The following NDRG3 variants were observed in gnomAD, a reference collection of about 807,000 sequenced individuals.
The protein encoded by NDRG3 is NDRG family member 3.
A neutral mutation model predicts 57.2 loss-of-function variants in NDRG3; 23 were observed. The observed-to-expected ratio is 0.40, with a 90% CI of 0.29 to 0.57. NDRG3 has a LOEUF of 0.57. NDRG3 is among the 20% of genes least tolerant of loss of function. NDRG3 has a pLI of 0.42. For missense variants in NDRG3, 384 were observed against 457.3 expected (o/e 0.84, Z 1.46); for synonymous variants, 132 against 162.6 (o/e 0.81, Z 1.43).
chr20:36,726,728 TC>T (rs1157126577), intron 1 of NDRG3, among the ~76,000 whole-genome samples: 2 of 152,048 alleles, frequency 1.3e-5, no homozygotes, highest in Non-Finnish European at 2.9e-5. Flanking sequence ...TGTTTCCTAG[TC>T]ATATGAGTAG....
intron 8 of NDRG3, among the ~76,000 whole-genome samples, chr20:36,676,860 C>A (rs1980766942): frequency 1.3e-5 from 2 of 152,260 alleles, no homozygotes. Flanking sequence ...CGCCATGGAG[C>A]TGGCGGAAGC....
chr20:36,698,263 C>T (rs568116269), intron 3 of NDRG3, among the ~76,000 whole-genome samples: 14 of 151,844 alleles, frequency 9.2e-5, no homozygotes, highest in African/African-American at 2.9e-4. Flanking sequence ...CATCCTGCCC[C>T]GCTGTGGGTT....
chr20:36,739,800 C>T (rs1304248097), intron 1 of NDRG3, among the ~76,000 whole-genome samples: 1 of 151,226 alleles, frequency 6.6e-6, no homozygotes, highest in Admixed American at 6.6e-5. Context: ...GTCCCAGCTA[C>T]TCGGGAGGCT....
intron 3 of NDRG3, among the ~76,000 whole-genome samples, chr20:36,701,965 T>C (rs147544814): frequency 6.6e-6 from 1 of 151,964 alleles, no homozygotes; most frequent in African/African-American, 2.4e-5. Context: ...CTGACTTCAA[T>C]AAATGTGTTG....
At chr20:36,679,211 G>A (rs1015816885) in intron 8 of NDRG3, among the ~76,000 whole-genome samples, 2 of 152,118 alleles carry the variant, frequency 1.3e-5, no homozygotes, top group African/African-American at 2.4e-5. Context: ...CTCCCACCTC[G>A]GCCTCCCAAA....
chr20:36,734,656 A>C (rs1985515946), intron 1 of NDRG3, among the ~76,000 whole-genome samples: 1 of 152,078 alleles, frequency 6.6e-6, no homozygotes, highest in Admixed American at 6.6e-5. Flanking sequence ...CCTTGGCACA[A>C]CTGACATTTT....
At chr20:36,701,954 T>C (rs1983258604) in intron 3 of NDRG3, among the ~76,000 whole-genome samples, 1 of 151,988 alleles carries the variant, frequency 6.6e-6, no homozygotes, top group Admixed American at 6.6e-5. Context: ...TCTTGAGCCC[T>C]CTGACTTCAA....
At chr20:36,682,709 G>GT (rs1981413770) in intron 6 of NDRG3, 131 bp from the exon 7 acceptor site, 69 of 723,690 alleles carry the variant, frequency 9.5e-5, no homozygotes, top group Non-Finnish European at 1.1e-4. Context: ...TTGGGCAAGT[G>GT]TTTTTTTTCT....
rs761027734 is a variant in NDRG3 at position 36,660,333 on chromosome 20, T to C, written c.858+4A>G. On this transcript the variant is annotated splice_donor_region_variant and intron_variant, in intron 13 of 15. Transcript: ENST00000349004. The stretch of plus-strand genomic sequence containing the variant: ...GTTGGAAGTGAGGGAAGAAGGCACA[T>C]TACCTTTAGCAAAGTTGTATTTATA... 6.2e-7 allele frequency: 1 copy of C among 1,602,546 alleles called. No homozygotes were observed.
At chr20:36,681,961 G>A (rs550612611) in intron 7 of NDRG3, among the ~76,000 whole-genome samples, 1 of 152,274 alleles carries the variant, frequency 6.6e-6, no homozygotes, top group African/African-American at 2.4e-5. Flanking sequence ...GCCTCCCAAA[G>A]TGCTAGGATC....
At chr20:36,677,707 G>T (rs1980882198) in intron 8 of NDRG3, among the ~76,000 whole-genome samples, 1 of 152,166 alleles carries the variant, frequency 6.6e-6, no homozygotes, top group Non-Finnish European at 1.5e-5. Context: ...GCAAAGAGCT[G>T]AACACTCGAC....
intron 3 of NDRG3, among the ~76,000 whole-genome samples, chr20:36,692,432 C>T (rs994384475): frequency 5.3e-5 from 8 of 152,068 alleles, no homozygotes; most frequent in South Asian, 2.1e-4. Context: ...CCATGTTGTC[C>T]GGGCTGGTCT....
At chr20:36,689,005 G>C (rs1378332425) in intron 3 of NDRG3, among the ~76,000 whole-genome samples, 1 of 152,038 alleles carries the variant, frequency 6.6e-6, no homozygotes. Context: ...GATCAGCCTG[G>C]CCAACATGAT....
At chr20:36,684,576 G>A (rs78294453) in intron 5 of NDRG3, 101 bp from the exon 6 acceptor site, 35,410 of 1,016,852 alleles carry the variant, frequency 0.035, 804 homozygotes, top group South Asian at 0.075. Context: ...AAGGCTGAGC[G>A]CAGTAGCTCA....
chr20:36,689,367 G>A (rs920578244), intron 3 of NDRG3, among the ~76,000 whole-genome samples: 2 of 152,098 alleles, frequency 1.3e-5, no homozygotes, highest in Non-Finnish European at 2.9e-5. Context: ...AATTGGCTAT[G>A]GAAAGGAAAT....
chr20:36,670,627 G>T (rs1171213801), intron 9 of NDRG3, among the ~76,000 whole-genome samples: 1 of 152,070 alleles, frequency 6.6e-6, no homozygotes, highest in Non-Finnish European at 1.5e-5. Context: ...CACATCTAAA[G>T]TATTATAAAT....
In NDRG3 at chr20:36,680,849, G is replaced by A. The variant is rs764130637; in HGVS notation, c.498C>T (p.Cys166=). The A allele has an allele frequency of 4.6e-5, 74 of 1,613,906 alleles. No homozygotes were observed. The East Asian group carries it at 1.1e-3, about 24-fold the overall frequency. The change falls in exon 8 of 16, where the codon TGC becomes TGT. Residue 166 remains cysteine, a synonymous_variant. Transcript: ENST00000349004. Reference sequence around the variant, plus strand: ...CTGCCCAGTCAATCCAGCCTTTAGCGCAAGGGTCAACATTAATGAGCACAA... The same window carrying A: ...CTGCCCAGTCAATCCAGCCTTTAGCACAAGGGTCAACATTAATGAGCACAA... The part of the protein sequence containing the change: ...EGLVLINVDP[C]AKGWIDWAAS...
chr20:36,732,207 G>C (rs1298352), intron 1 of NDRG3, among the ~76,000 whole-genome samples: 2,543 of 152,276 alleles, frequency 0.017, 62 homozygotes, highest in African/African-American at 0.058. Flanking sequence ...ATCCAGGAGA[G>C]ACACACACTG....
intron 3 of NDRG3, among the ~76,000 whole-genome samples, chr20:36,698,820 C>CA (rs977431675): frequency 8.6e-5 from 13 of 151,664 alleles, no homozygotes; most frequent in African/African-American, 3.1e-4. Flanking sequence ...AGAAAATCTT[C>CA]AAAAAAATGT....
Sources: gnomAD v4.1 joint callset for allele counts (sites outside exome capture counted in the v4.1 genomes callset) on GRCh38, gnomAD v4.1.1 for gene constraint, MANE v1.5 for transcripts, NCBI Gene and HGNC (gene_info 2026-07-23, HGNC 2026-07-21) for gene names.